TDRD12: variants seen among roughly 807,000 people sequenced by gnomAD.
TDRD12 encodes putative ATP-dependent RNA helicase TDRD12.
In TDRD12, 158 loss-of-function variants were observed where a neutral mutation model predicts 133.5. The observed-to-expected ratio is 1.18, with a 90% CI of 1.04 to 1.35. The LOEUF (loss-of-function observed/expected upper bound fraction) is 1.35. TDRD12 is among the 40% of genes most tolerant of loss of function. The pLI is 0.00. For missense variants in TDRD12, 1,443 were observed against 1,321.3 expected, an observed-to-expected ratio of 1.09 and a Z score of -1.43; for synonymous variants, 460 against 477.9, an observed-to-expected ratio of 0.96 and a Z score of 0.49.
exon 15 of TDRD12, chr19:32,797,886 G>A: frequency 1.4e-6 from 1 of 691,762 alleles, no homozygotes; most frequent in Non-Finnish European, 2.6e-6. Flanking sequence ...AAGCTTCCAA[G>A]GGGCTGTAAG....
At chr19:32,806,337 GTTT>G (rs58555952) in intron 21 of TDRD12, among the ~76,000 whole-genome samples, 1 of 135,282 alleles carries the variant, frequency 7.4e-6, no homozygotes, top group Non-Finnish European at 1.6e-5. Flanking sequence ...AGAAGACCGA[GTTT>G]TTTTTTTTTT....
downstream of TDRD12, among the ~76,000 whole-genome samples, chr19:32,823,165 C>T (rs115381967): frequency 1.3e-3 from 198 of 152,292 alleles, no homozygotes; most frequent in African/African-American, 4.7e-3. Context: ...CCACAGATAA[C>T]ACAGCTGAGG....
At chr19:32,732,895 G>A (rs1466442558) in intron 2 of TDRD12, among the ~76,000 whole-genome samples, 1 of 152,194 alleles carries the variant, frequency 6.6e-6, no homozygotes, top group African/African-American at 2.4e-5. Flanking sequence ...ATTTTGGGTT[G>A]GGCATGCTGG....
chr19:32,802,985 G>A (rs544023015), exon 21 of TDRD12: 149 of 1,536,014 alleles, frequency 9.7e-5, no homozygotes, highest in Non-Finnish European at 1.2e-4. Flanking sequence ...GGAGAAAGAT[G>A]CGAGCCATGC....
chr19:32,813,568 G>C (rs1489341593), intron 24 of TDRD12, 116 bp from the exon 25 acceptor site: 2 of 620,214 alleles, frequency 3.2e-6, no homozygotes, highest in African/African-American at 3.7e-5. Flanking sequence ...TGATCTCATA[G>C]CATTACTGTG....
chr19:32,752,903 C>T (rs1393202242), intron 6 of TDRD12, among the ~76,000 whole-genome samples: 1 of 151,540 alleles, frequency 6.6e-6, no homozygotes, highest in African/African-American at 2.4e-5. Context: ...TGCCATTCTC[C>T]TGCCTCAACC....
At chr19:32,821,751 A>G (rs1967404566), downstream of TDRD12, among the ~76,000 whole-genome samples, 1 of 152,200 alleles carries the variant, frequency 6.6e-6, no homozygotes, top group African/African-American at 2.4e-5. Flanking sequence ...TTGCAAGTGG[A>G]GGCATTTTTT....
In TDRD12 at chr19:32,762,262, A is replaced by G. The variant is rs373747764; in HGVS notation, c.865+5132A>G. ...GTGTTGTCTCTAAAAAGCCATTGCC[A>G]TACTCAGGGTCATCTAGGTTTTCTC... is the stretch of plus-strand genomic sequence containing the variant. On this transcript the variant is annotated intron_variant, in intron 8 of 27. Coordinates refer to ENST00000444215, the Ensembl canonical transcript of TDRD12. 9.7e-4 allele frequency among the ~76,000 whole-genome samples: 147 copies of G among 152,278 alleles called. 1 individual carries two copies. The highest frequency in any genetic ancestry group is 3.4e-3 in the Middle Eastern group (1 of 294).
chr19:32,802,507 T>TG, intron 19 of TDRD12, 149 bp from the exon 20 acceptor site: 1 of 895,562 alleles, frequency 1.1e-6, no homozygotes, highest in Non-Finnish European at 1.6e-6. Context: ...TGTGGCATTT[T>TG]GGGGAAAAAA....
At chr19:32,783,495 G>A (rs891978763) in intron 11 of TDRD12, among the ~76,000 whole-genome samples, 3 of 152,080 alleles carry the variant, frequency 2.0e-5, no homozygotes, top group African/African-American at 7.2e-5. Flanking sequence ...CTCCAATTCT[G>A]TGAAAAAAGT....
chr19:32,801,724 C>T (rs765087923), intron 18 of TDRD12, 32 bp from the exon 19 acceptor site: 13 of 870,084 alleles, frequency 1.5e-5, no homozygotes, highest in Non-Finnish European at 2.0e-5. Context: ...ATATCCCTGA[C>T]TGTGACCTGG....
chr19:32,747,749 C>T (rs187738027), intron 4 of TDRD12, among the ~76,000 whole-genome samples: 4 of 152,182 alleles, frequency 2.6e-5, no homozygotes, highest in Non-Finnish European at 5.9e-5. Context: ...TAGCTCACGC[C>T]TGTAATCCCA....
chr19:32,728,460 G>A (rs552895516), intron 1 of TDRD12, among the ~76,000 whole-genome samples: 1 of 151,996 alleles, frequency 6.6e-6, no homozygotes, highest in African/African-American at 2.4e-5. Flanking sequence ...AATTTTCATT[G>A]TAGTTCTAAT....
chr19:32,756,758 A>G (rs180782008), intron 7 of TDRD12, among the ~76,000 whole-genome samples: 1 of 152,354 alleles, frequency 6.6e-6, no homozygotes, highest in East Asian at 1.9e-4. Flanking sequence ...CTAAGAAAAC[A>G]AATTTTGAAT....
chr19:32,813,892 G>C, intron 25 of TDRD12, 116 bp downstream of exon 25: 1 of 648,986 alleles, frequency 1.5e-6, no homozygotes, highest in Non-Finnish European at 2.6e-6. Context: ...ACTTATTTGG[G>C]GATTTGTTAG....
exon 20 of TDRD12, chr19:32,802,666 C>G: frequency 6.5e-7 from 1 of 1,536,100 alleles, no homozygotes; most frequent in South Asian, 1.2e-5. Context: ...CCCTCACAGA[C>G]GACTGCGTCC....
At chr19:32,783,983 A>T (rs1283471144) in intron 11 of TDRD12, among the ~76,000 whole-genome samples, 2 of 151,942 alleles carry the variant, frequency 1.3e-5, no homozygotes, top group African/African-American at 4.8e-5. Context: ...CCCTGGCCAG[A>T]TACTGCCCTT....
intron 11 of TDRD12, among the ~76,000 whole-genome samples, chr19:32,782,948 G>T (rs144124169): frequency 4.6e-5 from 7 of 152,164 alleles, no homozygotes; most frequent in African/African-American, 1.7e-4. Context: ...CTTTTGCTGC[G>T]CAGAAGCTCT....
At chr19:32,763,155 AT>A (rs1303666775) in intron 8 of TDRD12, among the ~76,000 whole-genome samples, 4 of 152,128 alleles carry the variant, frequency 2.6e-5, no homozygotes, top group African/African-American at 9.7e-5. Flanking sequence ...CTGGAGTTGG[AT>A]TACTGTCTGC....
Sources: gnomAD v4.1 joint callset for allele counts (sites outside exome capture counted in the v4.1 genomes callset) on GRCh38, gnomAD v4.1.1 for gene constraint, MANE v1.5 for transcripts, NCBI Gene and HGNC (gene_info 2026-07-23, HGNC 2026-07-21) for gene names.